SH3RF3: variants seen among roughly 807,000 people sequenced by gnomAD.
The protein encoded by SH3RF3 is SH3 domain containing ring finger 3, also known as E3 ubiquitin-protein ligase SH3RF3.
A neutral mutation model predicts 66.3 loss-of-function variants in SH3RF3; 29 were observed. That is an observed-to-expected ratio of 0.44 (90% confidence interval 0.33 to 0.60). The LOEUF (loss-of-function observed/expected upper bound fraction) is 0.60. SH3RF3 is among the 20% of genes least tolerant of loss of function. The pLI is 0.04. For synonymous variants in SH3RF3, 583 were observed against 532.0 expected (o/e 1.10, Z -1.32); for missense variants, 1,194 against 1,190.9 (o/e 1.00, Z -0.04).
chr2:109,137,129 T>C (rs1457056657), intron 1 of SH3RF3, among the ~76,000 whole-genome samples: 2 of 152,236 alleles, frequency 1.3e-5, no homozygotes, highest in Non-Finnish European at 2.9e-5. Flanking sequence ...GAGGAAAACA[T>C]GTGTCTATAT....
chr2:109,289,655 C>T (rs986554987), intron 1 of SH3RF3, among the ~76,000 whole-genome samples: 4 of 152,198 alleles, frequency 2.6e-5, no homozygotes, highest in Non-Finnish European at 5.9e-5. Flanking sequence ...CATCCTATTC[C>T]ATGGCTCTCT....
intron 1 of SH3RF3, among the ~76,000 whole-genome samples, chr2:109,199,353 T>C (rs867812075): frequency 0.019 from 2 of 104 alleles, no homozygotes; most frequent in Non-Finnish European, 0.059. Context: ...TGGAATGGAA[T>C]GGAATGGAAT....
At chr2:109,282,828 G>C (rs1680929913) in intron 1 of SH3RF3, among the ~76,000 whole-genome samples, 1 of 152,206 alleles carries the variant, frequency 6.6e-6, no homozygotes, top group South Asian at 2.1e-4. Flanking sequence ...CAGGCAGGAG[G>C]AGGTGGAGGG....
chr2:109,381,934 T>G (rs1352772371), intron 3 of SH3RF3, among the ~76,000 whole-genome samples: 1 of 152,074 alleles, frequency 6.6e-6, no homozygotes, highest in Non-Finnish European at 1.5e-5. Context: ...CATGTCACTT[T>G]AGGGTGGGGT....
intron 7 of SH3RF3, among the ~76,000 whole-genome samples, chr2:109,440,001 C>T (rs967185725): frequency 6.6e-6 from 1 of 152,080 alleles, no homozygotes; most frequent in Admixed American, 6.6e-5. Flanking sequence ...GGTGATAATG[C>T]CTTGAATCTT....
intron 1 of SH3RF3, among the ~76,000 whole-genome samples, chr2:109,203,894 CCCTTGATGGCAGG>C (rs1436218200): frequency 6.6e-6 from 1 of 152,220 alleles, no homozygotes; most frequent in African/African-American, 2.4e-5. Flanking sequence ...GGCCTGGCAG[CCCTTGATGGCAGG>C]GCTGATGTGT....
intron 6 of SH3RF3, 92 bp downstream of exon 6, chr2:109,432,763 C>T (rs895604390): frequency 7.1e-5 from 105 of 1,469,616 alleles, no homozygotes; most frequent in Non-Finnish European, 8.7e-5. Context: ...ACTCTGTCAG[C>T]CGGGCCCAGA....
chr2:109,246,057 A>T (rs751808375), intron 1 of SH3RF3, among the ~76,000 whole-genome samples: 7 of 152,220 alleles, frequency 4.6e-5, no homozygotes, highest in African/African-American at 1.7e-4. Flanking sequence ...TCATACTTCA[A>T]TTTTACACCT....
chr2:109,280,606 G>A (rs913191040), intron 1 of SH3RF3, among the ~76,000 whole-genome samples: 3 of 151,946 alleles, frequency 2.0e-5, no homozygotes, highest in East Asian at 1.9e-4. Context: ...TAGTCTCCAA[G>A]CTAAAAACAA....
At chr2:109,395,244 G>C (rs1294963569) in intron 3 of SH3RF3, among the ~76,000 whole-genome samples, 1 of 152,234 alleles carries the variant, frequency 6.6e-6, no homozygotes, top group East Asian at 1.9e-4. Flanking sequence ...TCAGTCCCAT[G>C]TGTGTAGAGA....
intron 8 of SH3RF3, among the ~76,000 whole-genome samples, chr2:109,481,532 G>T (rs779498153): frequency 1.3e-5 from 2 of 152,100 alleles, no homozygotes; most frequent in Non-Finnish European, 2.9e-5. Flanking sequence ...GTTTCCAGAA[G>T]GCTGTAGATG....
intron 1 of SH3RF3, among the ~76,000 whole-genome samples, chr2:109,179,002 A>AGTGT (rs1558942597): frequency 1.3e-4 from 6 of 47,174 alleles, no homozygotes; most frequent in African/African-American, 4.0e-4. Context: ...AAAGTATAAT[A>AGTGT]ATGTGTGTGT....
intron 4 of SH3RF3, among the ~76,000 whole-genome samples, chr2:109,414,692 T>A (rs577101750): frequency 6.6e-6 from 1 of 152,282 alleles, no homozygotes; most frequent in South Asian, 2.1e-4. Context: ...ACCCTCATCA[T>A]CCACACTGAG....
intron 1 of SH3RF3, among the ~76,000 whole-genome samples, chr2:109,228,032 A>G (rs1679411829): frequency 6.6e-6 from 1 of 151,720 alleles, no homozygotes; most frequent in African/African-American, 2.4e-5. Flanking sequence ...GTTTTCCTTT[A>G]TTTGTAGGAA....
chr2:109,288,911 G>T (rs1681099878), intron 1 of SH3RF3, among the ~76,000 whole-genome samples: 1 of 152,206 alleles, frequency 6.6e-6, no homozygotes, highest in South Asian at 2.1e-4. Context: ...CAGAGCATAA[G>T]AGATTGCATC....
intron 1 of SH3RF3, among the ~76,000 whole-genome samples, chr2:109,257,710 A>G (rs1021394479): frequency 1.3e-5 from 2 of 152,244 alleles, no homozygotes; most frequent in African/African-American, 4.8e-5. Flanking sequence ...CCTGAAGTAG[A>G]CAGTTAGAGC....
intron 1 of SH3RF3, among the ~76,000 whole-genome samples, chr2:109,173,477 C>T (rs1222587914): frequency 1.3e-5 from 2 of 152,214 alleles, no homozygotes; most frequent in Admixed American, 1.3e-4. Flanking sequence ...GCCTTACCCA[C>T]AGGCAGATTT....
intron 6 of SH3RF3, among the ~76,000 whole-genome samples, chr2:109,436,034 G>T (rs1677387878): frequency 6.6e-6 from 1 of 152,176 alleles, no homozygotes; most frequent in Non-Finnish European, 1.5e-5. Context: ...GTCGTGCCCA[G>T]TGATACCAGC....
At chr2:109,348,201 T>C (rs73955551) in intron 2 of SH3RF3, among the ~76,000 whole-genome samples, 2,763 of 152,266 alleles carry the variant, frequency 0.018, 84 homozygotes, top group African/African-American at 0.063. Context: ...ACATAGGAGC[T>C]TGAGATAATA....
Sources: gnomAD v4.1 joint callset for allele counts (sites outside exome capture counted in the v4.1 genomes callset) on GRCh38, gnomAD v4.1.1 for gene constraint, MANE v1.5 for transcripts, NCBI Gene and HGNC (gene_info 2026-07-23, HGNC 2026-07-21) for gene names.